PDZD2: variants seen among roughly 807,000 people sequenced by gnomAD.
PDZD2 encodes PDZ domain-containing protein 2.
Under a neutral mutation model 220.7 loss-of-function variants are expected in PDZD2, and 90 were observed. The observed-to-expected ratio is 0.41, with a 90% CI of 0.34 to 0.49. PDZD2 has a LOEUF of 0.49. Ranked by LOEUF, PDZD2 falls within the 20% of genes least tolerant of loss-of-function variation. The pLI, the probability that PDZD2 is intolerant of heterozygous loss-of-function variation, is 0.28. For synonymous variants in PDZD2, 1,375 were observed against 1,450.5 expected (o/e 0.95, Z 1.18); for missense variants, 3,174 against 3,608.5 (o/e 0.88, Z 3.08).
At position 32,088,106 on chromosome 5, in the gene PDZD2, G is replaced by C; in HGVS notation, c.4658G>C (p.Gly1553Ala). The C allele has an allele frequency of 1.2e-6, 2 of 1,614,144 alleles. No individual in the cohort carries two copies. Among genetic ancestry groups the C allele is most frequent in the Non-Finnish European group, 1.7e-6 (2 of 1,180,012 alleles). ...STEPSLSSMY[G>A]DAEDSSSDPE... is the part of the protein sequence containing the mutation. Reference sequence around the variant, plus strand: ...GAGCCGTCTCTGTCATCCATGTATGGCGATGCTGAGGATTCTTCTTCTGAC... The same window carrying C: ...GAGCCGTCTCTGTCATCCATGTATGCCGATGCTGAGGATTCTTCTTCTGAC... The change falls in exon 20 of 25, where the codon GGC (glycine) becomes GCC (alanine). Residue 1553 changes from glycine to alanine, a missense_variant. Gly to Ala is a moderately conservative substitution (Grantham distance 60). Around this residue, in one of 4 missense-constraint regions of PDZD2, gnomAD observed 1,861 missense variants for 2,001.0 expected, o/e 0.93. Coordinates refer to ENST00000438447, the MANE Select transcript of PDZD2 (RefSeq NM_178140.4). This position sits in a 1 kb window ranked among gnomAD's most constrained non-coding sequence, Gnocchi z 4.6.
intron 17 of PDZD2, 29 bp from the exon 18 acceptor site, chr5:32,073,802 AC>A: frequency 2.7e-6 from 4 of 1,496,996 alleles, no homozygotes; most frequent in Non-Finnish European, 3.6e-6. Context: ...GCTCAATTTC[AC>A]TTGACTTTTC....
intron 1 of PDZD2, among the ~76,000 whole-genome samples, chr5:31,713,992 CT>C (rs1179736815): frequency 1.3e-5 from 2 of 152,180 alleles, no homozygotes; most frequent in Non-Finnish European, 2.9e-5. Context: ...TCAGGTATTC[CT>C]TTATAGCATC....
chr5:31,694,237 C>T lies in PDZD2; in HGVS notation c.-361+54800C>T, dbSNP rs147223346. ...TGAAACCCCATCTCTACTAAAAATACAAAAATTAGCCGGGCGTGGTGGCCA... is the reference window on the plus strand; with the variant it reads ...TGAAACCCCATCTCTACTAAAAATATAAAAATTAGCCGGGCGTGGTGGCCA... On this transcript the variant is annotated intron_variant, in intron 1 of 24. Transcript: ENST00000438447. 2.2e-3 allele frequency among the ~76,000 whole-genome samples: 337 copies of T among 152,074 alleles called. 1 individual carries two copies. Among genetic ancestry groups the T allele is most frequent in the African/African-American group, 7.7e-3 (318 of 41,498 alleles).
intron 1 of PDZD2, among the ~76,000 whole-genome samples, chr5:31,689,353 A>ATATATATATATATATT: frequency 4.6e-4 from 16 of 35,118 alleles, no homozygotes; most frequent in African/African-American, 1.9e-3. Flanking sequence ...ATATATATAT[A>ATATATATATATATATT]TTTTTTTTTT....
intron 1 of PDZD2, among the ~76,000 whole-genome samples, chr5:31,711,410 A>G (rs1453589463): frequency 6.6e-6 from 1 of 152,252 alleles, no homozygotes; most frequent in African/African-American, 2.4e-5. Context: ...TGAGCTTTTC[A>G]GTGAACTCCT....
intron 1 of PDZD2, among the ~76,000 whole-genome samples, chr5:31,689,353 A>ATTTTTTTTTTTTTTTTTTTTTTCTTT (rs1160111594): frequency 2.8e-5 from 1 of 35,142 alleles, no homozygotes; most frequent in Non-Finnish European, 4.2e-5. Context: ...ATATATATAT[A>ATTTTTTTTTTTTTTTTTTTTTTCTTT]TTTTTTTTTT....
At chr5:31,919,266 G>A (rs890244458) in intron 2 of PDZD2, among the ~76,000 whole-genome samples, 2 of 152,124 alleles carry the variant, frequency 1.3e-5, no homozygotes, top group African/African-American at 4.8e-5. Flanking sequence ...GGAAACTGAG[G>A]CATTGAAAGA....
At chr5:32,036,189 A>G (rs769687106) in intron 6 of PDZD2, among the ~76,000 whole-genome samples, 1 of 151,984 alleles carries the variant, frequency 6.6e-6, no homozygotes, top group Non-Finnish European at 1.5e-5. Context: ...GATGGTCTCG[A>G]TCTCCTGACC....
At chr5:32,097,832 G>A (rs1434942623) in intron 22 of PDZD2, among the ~76,000 whole-genome samples, 4 of 152,120 alleles carry the variant, frequency 2.6e-5, no homozygotes, top group Non-Finnish European at 5.9e-5. Flanking sequence ...TGGATGCCAG[G>A]CCCATGTCAG....
At chr5:31,884,254 T>C (rs1345383430) in intron 2 of PDZD2, among the ~76,000 whole-genome samples, 6 of 152,046 alleles carry the variant, frequency 3.9e-5, no homozygotes. Flanking sequence ...CATACATACA[T>C]ACATACATCC....
intron 2 of PDZD2, chr5:31,854,884 C>T: frequency 4.0e-6 from 3 of 746,558 alleles, no homozygotes; most frequent in Non-Finnish European, 4.9e-6. Flanking sequence ...CAGGCTTTTC[C>T]TAACCTCCTC....
intron 1 of PDZD2, among the ~76,000 whole-genome samples, chr5:31,665,638 T>TCCCCCG (rs202150349): frequency 1.3e-5 from 1 of 75,690 alleles, no homozygotes; most frequent in Non-Finnish European, 2.9e-5. Context: ...GTTTGGAAGT[T>TCCCCCG]CCCCCTCCCC....
chr5:31,908,809 C>G lies in PDZD2; in HGVS notation c.477-74346C>G, dbSNP rs1233061056. The stretch of plus-strand genomic sequence containing the variant: ...CCTATAATCCCAGCACTTTGGGAGG[C>G]TGAGGCGGGAGGATCACTTGAGCTC... On this transcript the variant is annotated intron_variant, in intron 2 of 24. Transcript: ENST00000438447. 3 of 651,614 alleles carry G rather than the reference C, an allele frequency of 4.6e-6. No homozygotes were observed. The African/African-American group carries it at 5.4e-5, about 12-fold the overall frequency. The allele number at this position is 651,614 out of a possible 1,614,324, so 40.4% of individuals were successfully genotyped here.
At chr5:32,032,404 C>T (rs1755194907) in intron 6 of PDZD2, among the ~76,000 whole-genome samples, 1 of 152,176 alleles carries the variant, frequency 6.6e-6, no homozygotes, top group Admixed American at 6.5e-5. Flanking sequence ...ACGTCGGTCA[C>T]TTTCACTCTC....
At chr5:32,105,009 C>T (rs1262279627) in intron 24 of PDZD2, among the ~76,000 whole-genome samples, 4 of 151,820 alleles carry the variant, frequency 2.6e-5, no homozygotes, top group African/African-American at 4.8e-5. Context: ...GCGGCACGCA[C>T]CTATAGTCCC....
At chr5:31,881,496 G>C (rs1739922717) in intron 2 of PDZD2, among the ~76,000 whole-genome samples, 1 of 151,276 alleles carries the variant, frequency 6.6e-6, no homozygotes, top group African/African-American at 2.4e-5. Context: ...TCCTGCCTCA[G>C]CCTCCCCAGT....
intron 2 of PDZD2, among the ~76,000 whole-genome samples, chr5:31,953,660 A>AAATTT (rs59213187): frequency 7.2e-6 from 1 of 138,582 alleles, no homozygotes. Context: ...TAAAAAAAAA[A>AAATTT]TTTTTTTTTT....
intron 1 of PDZD2, among the ~76,000 whole-genome samples, chr5:31,685,616 T>C (rs1746825630): frequency 1.3e-5 from 2 of 152,168 alleles, no homozygotes; most frequent in South Asian, 2.1e-4. Flanking sequence ...CTCTGCCTCC[T>C]GGGCTGAAGC....
rs1739598117 is a variant in PDZD2 at position 31,878,947 on chromosome 5, A to C, written c.476+79223A>C. ...TTGTCTACCCTTCCTCCATTAGCTA[A>C]CTAACTGCATAGACACGGCACTGTC... On this transcript the variant is annotated intron_variant, in intron 2 of 24. Transcript: ENST00000438447. Among the ~76,000 whole-genome samples the C allele has an allele frequency of 2.6e-5, 4 of 152,072 alleles. No individual in the cohort carries two copies. The South Asian group carries it at 8.3e-4, about 32-fold the overall frequency.
Sources: gnomAD v4.1 joint callset for allele counts (sites outside exome capture counted in the v4.1 genomes callset) on GRCh38, gnomAD v4.1.1 for gene constraint, gnomAD v4.1.1 regional missense constraint, Gnocchi (gnomAD v3.1) non-coding constraint, MANE v1.5 for transcripts, NCBI Gene and HGNC (gene_info 2026-07-23, HGNC 2026-07-21) for gene names.